The following CTNND2 variants were observed in gnomAD, a reference collection of about 807,000 sequenced individuals.
CTNND2 encodes the protein catenin delta-2.
CTNND2 carries 22 observed loss-of-function variants against 144.4 expected under a neutral mutation model. The observed-to-expected ratio is 0.15, with a 90% confidence interval of 0.11 to 0.22. The LOEUF is 0.22. Ranked by LOEUF, CTNND2 falls within the 10% of genes least tolerant of loss-of-function variation. The probability of loss-of-function intolerance (pLI) is 1.00; values close to 1 mark genes in which losing one functional copy is unlikely to be tolerated. For missense variants in CTNND2, 1,353 were observed against 1,618.8 expected (o/e 0.84, Z 2.82); for synonymous variants, 751 against 695.6 (o/e 1.08, Z -1.25).
At position 11,903,693 on chromosome 5, in the gene CTNND2, G is replaced by A. The variant is rs1738091806; in HGVS notation, c.37+124C>T. The A allele has an allele frequency of 1.1e-5, 12 of 1,052,924 alleles. No homozygotes were observed. The highest frequency in any genetic ancestry group is 1.5e-5 in the Non-Finnish European group (12 of 787,040). The allele number at this position is 1,052,924 out of a possible 1,614,324, so 65.2% of individuals were successfully genotyped here. A position where few individuals can be genotyped will look rare whatever the true frequency, so the allele number is the denominator to read the frequency against. On this transcript the variant is annotated intron_variant, in intron 1 of 21. Transcript: ENST00000304623. This position sits in a 1 kb window ranked among gnomAD's most constrained non-coding sequence, Gnocchi z 5.4. ...CCTCCCCGAGGCAGGCAGAAACCCC[G>A]CAGCAGCCGCCGCCGCCGCCTGCCG... is the stretch of plus-strand genomic sequence containing the variant.
chr5:11,478,908 C>A (rs1489767217), intron 3 of CTNND2, among the ~76,000 whole-genome samples: 1 of 152,154 alleles, frequency 6.6e-6, no homozygotes, highest in African/African-American at 2.4e-5. Flanking sequence ...TAAAATTTCA[C>A]TGTTGTCAGA....
chr5:11,246,371 T>C (rs1455032841), intron 9 of CTNND2, among the ~76,000 whole-genome samples: 2 of 152,004 alleles, frequency 1.3e-5, no homozygotes, highest in Non-Finnish European at 2.9e-5. Context: ...GGGTGGCCCC[T>C]GAGTCAAAAG....
chr5:11,274,422 A>G (rs1206531122), intron 9 of CTNND2, among the ~76,000 whole-genome samples: 1 of 152,206 alleles, frequency 6.6e-6, no homozygotes, highest in Non-Finnish European at 1.5e-5. Flanking sequence ...CTCATTTCAC[A>G]TGAACACAGA....
At chr5:11,152,172 T>C (rs995116875) in intron 12 of CTNND2, among the ~76,000 whole-genome samples, 11 of 152,206 alleles carry the variant, frequency 7.2e-5, no homozygotes, top group African/African-American at 2.2e-4. Context: ...AGGGAAAACA[T>C]ATCCCAGCTT....
chr5:11,296,775 T>G (rs1221692522), intron 9 of CTNND2, among the ~76,000 whole-genome samples: 1 of 151,934 alleles, frequency 6.6e-6, no homozygotes, highest in Non-Finnish European at 1.5e-5. Flanking sequence ...TAGGTGGGAA[T>G]TGAACAATGA....
Position 11,117,468 on chromosome 5 carries a change from G to T in CTNND2, c.2259C>A (p.Ser753Arg), listed in dbSNP as rs1403194511. The change falls in exon 13 of 22, where the codon AGC becomes AGA. Residue 753 changes from serine (S) to arginine (R), a missense_variant. Around this residue, in one of 4 missense-constraint regions of CTNND2, gnomAD observed 459 missense variants for 674.3 expected, o/e 0.68. Coordinates refer to ENST00000304623, the MANE Select transcript of CTNND2 (RefSeq NM_001332.4). ...LLYVIQSALGSSEIDSKTVEN... is the reference protein window; with the variant it reads ...LLYVIQSALGRSEIDSKTVEN... ...AACCAACCTTGCTATCGATCTCACT[G>T]CTCCCCAGCGCAGACTGGATCACGT... The T allele has an allele frequency of 6.2e-7, 1 of 1,613,834 alleles. No homozygotes were observed. The highest frequency in any genetic ancestry group is 1.7e-5 in the Admixed American group (1 of 60,020).
intron 17 of CTNND2, 82 bp downstream of exon 17, chr5:11,022,687 T>C (rs1742389952): frequency 2.0e-6 from 2 of 1,004,238 alleles, no homozygotes; most frequent in Non-Finnish European, 3.2e-6. Context: ...ACAGTCATAG[T>C]ACTACCCGTC....
intron 10 of CTNND2, among the ~76,000 whole-genome samples, chr5:11,208,792 T>C (rs185848047): frequency 7.0e-4 from 106 of 152,272 alleles, no homozygotes; most frequent in African/African-American, 2.4e-3. Context: ...GCACACACAT[T>C]ATAAACAAAC....
chr5:10,999,571 C>T (rs62337200), intron 18 of CTNND2, among the ~76,000 whole-genome samples: 1,814 of 152,280 alleles, frequency 0.012, 11 homozygotes, highest in Non-Finnish European at 0.02. Context: ...TACTATCTGT[C>T]GTTCACCTTC....
Position 11,643,061 on chromosome 5 carries a change from C to T in CTNND2, c.175-78005G>A, listed in dbSNP as rs73057730. Among the ~76,000 whole-genome samples, 861 of 152,246 alleles carry T rather than the reference C, an allele frequency of 5.7e-3. 12 individuals carry two copies. Among genetic ancestry groups the T allele is most frequent in the African/African-American group, 0.02 (835 of 41,552 alleles). On this transcript the variant is annotated intron_variant, in intron 2 of 21. Coordinates refer to ENST00000304623, the MANE Select transcript of CTNND2 (RefSeq NM_001332.4). ...AAATAACAAAACTCAGTAATTATAA[C>T]AGCAAAGAAACAGATCTTCAGTTAT...
intron 1 of CTNND2, among the ~76,000 whole-genome samples, chr5:11,866,535 C>T (rs1196868769): frequency 6.6e-6 from 1 of 152,188 alleles, no homozygotes; most frequent in East Asian, 1.9e-4. Flanking sequence ...TCCCCACTGA[C>T]AGCTCTGACA....
At chr5:11,114,592 G>GTCAGCAGTGCTT (rs1753357271) in intron 13 of CTNND2, among the ~76,000 whole-genome samples, 1 of 152,186 alleles carries the variant, frequency 6.6e-6, no homozygotes, top group East Asian at 1.9e-4. Context: ...ATCCATTGCT[G>GTCAGCAGTGCTT]TCAGCAGTGC....
At chr5:11,554,870 C>G (rs1776074864) in intron 3 of CTNND2, among the ~76,000 whole-genome samples, 1 of 150,796 alleles carries the variant, frequency 6.6e-6, no homozygotes, top group Non-Finnish European at 1.5e-5. Flanking sequence ...CTAGCAAGAT[C>G]AGAATAATAT....
chr5:11,871,392 T>G (rs896091043), intron 1 of CTNND2, among the ~76,000 whole-genome samples: 1 of 152,284 alleles, frequency 6.6e-6, no homozygotes, highest in East Asian at 1.9e-4. Context: ...AAACAGTCCC[T>G]GTCTAACAGG....
chr5:11,240,386 T>TCAAATACACACCCAACA (rs147304815), intron 9 of CTNND2, among the ~76,000 whole-genome samples: 1 of 93,808 alleles, frequency 1.1e-5, no homozygotes, highest in Admixed American at 1.1e-4. Flanking sequence ...ACACATACAC[T>TCAAATACACACCCAACA]CACACACCCA....
intron 2 of CTNND2, among the ~76,000 whole-genome samples, chr5:11,635,675 C>G (rs1459173355): frequency 6.6e-6 from 1 of 152,118 alleles, no homozygotes; most frequent in East Asian, 1.9e-4. Flanking sequence ...TATTTCTGTA[C>G]TATAGTAAAT....
At chr5:11,239,522 T>C (rs1741990348) in intron 9 of CTNND2, among the ~76,000 whole-genome samples, 1 of 152,148 alleles carries the variant, frequency 6.6e-6, no homozygotes, top group South Asian at 2.1e-4. Context: ...CAATCACCAC[T>C]CTTCCCACCT....
intron 1 of CTNND2, among the ~76,000 whole-genome samples, chr5:11,829,133 T>A (rs1218224437): frequency 6.6e-6 from 1 of 152,094 alleles, no homozygotes; most frequent in Non-Finnish European, 1.5e-5. Context: ...GTGACTTGGG[T>A]ACTGTTAAAG....
intron 2 of CTNND2, among the ~76,000 whole-genome samples, chr5:11,577,264 T>G (rs1364801850): frequency 2.0e-5 from 3 of 152,250 alleles, no homozygotes; most frequent in Non-Finnish European, 2.9e-5. Flanking sequence ...TGGAAAGCAT[T>G]CTGCAAGGTG....
Sources: gnomAD v4.1 joint callset for allele counts (sites outside exome capture counted in the v4.1 genomes callset) on GRCh38, gnomAD v4.1.1 for gene constraint, gnomAD v4.1.1 regional missense constraint, Gnocchi (gnomAD v3.1) non-coding constraint, MANE v1.5 for transcripts, NCBI Gene and HGNC (gene_info 2026-07-23, HGNC 2026-07-21) for gene names.